CHN1: variants seen among roughly 807,000 people sequenced by gnomAD.
The protein encoded by CHN1 is chimerin 1.
CHN1 carries 37 observed loss-of-function variants against 59.5 expected under a neutral mutation model. The observed-to-expected ratio is 0.62, with a 90% CI of 0.48 to 0.82. The LOEUF is 0.82. Ranked by LOEUF, CHN1 falls within the 40% of genes least tolerant of loss-of-function variation. CHN1 has a pLI of 0.00. For missense variants in CHN1, 469 were observed against 571.0 expected, an observed-to-expected ratio of 0.82 and a Z score of 1.82; for synonymous variants, 206 against 200.4, an observed-to-expected ratio of 1.03 and a Z score of -0.24.
chr2:174,871,994 A>G (rs1369485877), intron 6 of CHN1, among the ~76,000 whole-genome samples: 1 of 152,122 alleles, frequency 6.6e-6, no homozygotes, highest in Non-Finnish European at 1.5e-5. Context: ...TTAAATTCCA[A>G]CATAAGGCCA....
intron 5 of CHN1, among the ~76,000 whole-genome samples, chr2:174,886,573 T>C (rs1000757164): frequency 2.0e-5 from 3 of 152,192 alleles, no homozygotes; most frequent in African/African-American, 4.8e-5. Context: ...TAGACTCTGA[T>C]TGGGATTATT....
intron 8 of CHN1, among the ~76,000 whole-genome samples, chr2:174,819,217 T>G (rs1267861643): frequency 1.3e-5 from 2 of 152,212 alleles, no homozygotes; most frequent in Non-Finnish European, 2.9e-5. Context: ...CGCAACTCTT[T>G]AGGTACGATC....
At chr2:174,950,107 A>G (rs1411881931) in intron 2 of CHN1, among the ~76,000 whole-genome samples, 7 of 152,036 alleles carry the variant, frequency 4.6e-5, no homozygotes, top group Admixed American at 4.6e-4. Context: ...ACAAAATAAA[A>G]TTTTTAAAAA....
At chr2:174,922,871 T>C (rs969333921) in intron 3 of CHN1, among the ~76,000 whole-genome samples, 12 of 152,108 alleles carry the variant, frequency 7.9e-5, no homozygotes, top group African/African-American at 2.7e-4. Flanking sequence ...TGAATACAAA[T>C]ATAAATTATG....
intron 1 of CHN1, among the ~76,000 whole-genome samples, chr2:174,956,281 C>G (rs1690202050): frequency 6.6e-6 from 1 of 152,046 alleles, no homozygotes; most frequent in African/African-American, 2.4e-5. Context: ...TAAAGACTTT[C>G]TCAGAAAAAC....
At chr2:174,884,250 CG>C (rs1258869007) in intron 5 of CHN1, among the ~76,000 whole-genome samples, 1 of 151,758 alleles carries the variant, frequency 6.6e-6, no homozygotes, top group African/African-American at 2.4e-5. Context: ...GGATTACAGG[CG>C]TGAGCCACCG....
In CHN1 at chr2:174,834,858, A is replaced by C. The variant is rs184835453; in HGVS notation, c.628-10340T>G. 6.2e-4 allele frequency among the ~76,000 whole-genome samples: 95 copies of C among 152,362 alleles called. 1 individual carries two copies. Among genetic ancestry groups the C allele is most frequent in the Non-Finnish European group, 5.0e-4 (34 of 68,030 alleles). ...TTCTTGAGTGTGAGTATGCACATTT[A>C]AGATTCTATAAAACCACAAAACTAT... On this transcript the variant is annotated intron_variant, in intron 7 of 12. Coordinates refer to ENST00000409900, the MANE Select transcript of CHN1 (RefSeq NM_001822.7).
chr2:174,999,770 G>C (rs888849505), intron 1 of CHN1, among the ~76,000 whole-genome samples: 8 of 152,108 alleles, frequency 5.3e-5, no homozygotes. Flanking sequence ...TTCATGGGGA[G>C]AACAATTAGA....
At chr2:174,828,466 G>GT (rs1483858340) in intron 7 of CHN1, among the ~76,000 whole-genome samples, 6 of 152,156 alleles carry the variant, frequency 3.9e-5, no homozygotes, top group Non-Finnish European at 1.5e-5. Context: ...TCAGAAAAAG[G>GT]TATCTTTAAA....
At chr2:174,847,772 G>GAAAAAAAA in intron 6 of CHN1, 1 of 92,688 alleles carries the variant, frequency 1.1e-5, no homozygotes, top group African/African-American at 3.3e-4. Flanking sequence ...CTGGCTCAAG[G>GAAAAAAAA]CAAAAAAAAA....
intron 6 of CHN1, among the ~76,000 whole-genome samples, chr2:174,872,865 T>C (rs1258211196): frequency 3.3e-5 from 5 of 152,292 alleles, no homozygotes; most frequent in Admixed American, 6.5e-5. Context: ...CTTCATGCAA[T>C]GCTTCACATT....
At chr2:174,984,809 G>A (rs920044183) in intron 1 of CHN1, among the ~76,000 whole-genome samples, 18 of 152,150 alleles carry the variant, frequency 1.2e-4, no homozygotes, top group African/African-American at 4.3e-4. Context: ...CCTCCTCACA[G>A]AACATATTCA....
At chr2:174,932,851 T>G (rs928175914) in intron 3 of CHN1, among the ~76,000 whole-genome samples, 5 of 152,226 alleles carry the variant, frequency 3.3e-5, no homozygotes, top group African/African-American at 1.2e-4. Flanking sequence ...CCATACTTCC[T>G]GTACAGCCTG....
chr2:174,816,082 T>G (rs528522779), intron 8 of CHN1, among the ~76,000 whole-genome samples: 2 of 152,110 alleles, frequency 1.3e-5, no homozygotes, highest in Non-Finnish European at 2.9e-5. Context: ...TGGGGAATAG[T>G]ACTATTTTAC....
chr2:174,838,382 T>C (rs1376227127), intron 7 of CHN1, among the ~76,000 whole-genome samples: 2 of 152,084 alleles, frequency 1.3e-5, no homozygotes, highest in Non-Finnish European at 2.9e-5. Context: ...AATGAGCCAC[T>C]GCGCCCAGCC....
chr2:174,925,942 T>C (rs999994944), intron 3 of CHN1, among the ~76,000 whole-genome samples: 1 of 152,242 alleles, frequency 6.6e-6, no homozygotes, highest in African/African-American at 2.4e-5. Context: ...TGGCTCAGAA[T>C]GAATTTTTAA....
chr2:174,905,066 T>G (rs1688505518), intron 5 of CHN1, among the ~76,000 whole-genome samples: 1 of 152,058 alleles, frequency 6.6e-6, no homozygotes, highest in East Asian at 1.9e-4. Flanking sequence ...CCTGGAAGAG[T>G]AAAGATTTGG....
In CHN1 at chr2:174,871,427, T is replaced by C. The variant is rs528994845; in HGVS notation, c.549+6413A>G. Among the ~76,000 whole-genome samples, 5 of 152,214 alleles carry C rather than the reference T, an allele frequency of 3.3e-5. No individual in the cohort carries two copies. The East Asian group carries it at 7.7e-4, about 24-fold the overall frequency. On this transcript the variant is annotated intron_variant, in intron 6 of 12. Coordinates refer to ENST00000409900, the MANE Select transcript of CHN1 (RefSeq NM_001822.7). ...CTCAGGAGTGATTTCCATTAGGACC[T>C]TGGATTTGGCTGAACTCATTTTTAA...
At chr2:174,850,592 T>C (rs538549724) in intron 6 of CHN1, among the ~76,000 whole-genome samples, 1 of 152,244 alleles carries the variant, frequency 6.6e-6, no homozygotes, top group South Asian at 2.1e-4. Context: ...CTGAGCCCAA[T>C]ATTAGCTGTA....
Sources: gnomAD v4.1 joint callset for allele counts (sites outside exome capture counted in the v4.1 genomes callset) on GRCh38, gnomAD v4.1.1 for gene constraint, MANE v1.5 for transcripts, NCBI Gene and HGNC (gene_info 2026-07-23, HGNC 2026-07-21) for gene names.